MED22: variants seen among roughly 807,000 people sequenced by gnomAD.
The protein encoded by MED22 is mediator of RNA polymerase II transcription subunit 22.
A neutral mutation model predicts 22.7 loss-of-function variants in MED22; 22 were observed. The ratio of observed to expected loss-of-function variants is 0.97; its 90% CI spans 0.69 to 1.38. MED22 has a LOEUF of 1.38. Ranked by LOEUF, MED22 falls within the 40% of genes most tolerant of loss-of-function variation. MED22 has a pLI of 0.00. For synonymous variants in MED22, 134 were observed against 119.4 expected, an observed-to-expected ratio of 1.12 and a Z score of -0.80; for missense variants, 247 against 263.0, an observed-to-expected ratio of 0.94 and a Z score of 0.42.
At position 133,341,264 on chromosome 9, in the gene MED22, C is replaced by A; in HGVS notation, c.*241G>T. The A allele has an allele frequency of 7.1e-6, 3 of 424,588 alleles. No homozygotes were observed. Among genetic ancestry groups the A allele is most frequent in the South Asian group, 1.1e-4 (2 of 18,732 alleles). 26.3% of individuals were successfully genotyped at this position (424,588 alleles called of 1,614,324 possible). ...TCTTCCACCTGGCTGGCCAGGAAGGCAGCAAACAGAGATGATGACTCGGAA... is the reference window on the plus strand; with the variant it reads ...TCTTCCACCTGGCTGGCCAGGAAGGAAGCAAACAGAGATGATGACTCGGAA... On this transcript the variant is annotated 3_prime_UTR_variant, in exon 5 of 5. Coordinates refer to ENST00000343730, the MANE Select transcript of MED22 (RefSeq NM_133640.5).
intron 4 of MED22, 35 bp from the exon 5 acceptor site, chr9:133,341,729 G>C (rs2129950640): frequency 6.3e-7 from 1 of 1,588,576 alleles, no homozygotes; most frequent in Admixed American, 1.8e-5. Flanking sequence ...GGAGAGACAG[G>C]AGCAGGCAGA....
rs1040576666 is a variant in MED22, at chr9:133,346,314, T to C, written c.123+226A>G. 9.0e-6 allele frequency: 5 copies of C among 553,278 alleles called. No individual in the cohort carries two copies. In the Admixed American group the frequency reaches 9.6e-5, roughly 11 times the overall value. 34.3% of individuals were successfully genotyped at this position (553,278 alleles called of 1,614,324 possible). A position where few individuals can be genotyped will look rare whatever the true frequency, so the allele number is the denominator to read the frequency against. ...ACCAGTCATCACAAGGACCCCACCA[T>C]GCAGGAGAAACTGAGGCACTAAAAA... On this transcript the variant is annotated intron_variant, in intron 2 of 4. Transcript: ENST00000343730.
At chr9:133,345,470 A>G (rs1409153564) in intron 2 of MED22, among the ~76,000 whole-genome samples, 20 of 152,014 alleles carry the variant, frequency 1.3e-4, no homozygotes, top group Admixed American at 1.3e-3. Flanking sequence ...GACAACATGC[A>G]CCTTTGCTCA....
At position 133,344,225 on chromosome 9, in the gene MED22, G is replaced by A; in HGVS notation, c.313C>T (p.Leu105=). The A allele has an allele frequency of 6.2e-7, 1 of 1,614,230 alleles. No homozygotes were observed. Among genetic ancestry groups the A allele is most frequent in the Non-Finnish European group, 8.5e-7 (1 of 1,180,046 alleles). The change falls in exon 4 of 5, where the codon CTG becomes TTG. Residue 105 remains leucine (L), a synonymous_variant. Coordinates refer to ENST00000343730, the MANE Select transcript of MED22 (RefSeq NM_133640.5). ...NEAIDQRNQQ[L]RTLQEECDRK... is the part of the protein sequence containing the mutation. ...TCGCACTCCTCCTGCAGTGTGCGCAGCTGCTGGTTGCGCTGGTCAATGGCC... is the reference window on the plus strand; with the variant it reads ...TCGCACTCCTCCTGCAGTGTGCGCAACTGCTGGTTGCGCTGGTCAATGGCC...
Position 133,344,127 on chromosome 9 carries a change from G to C in MED22, c.411C>G (p.Ser137=). The change falls in exon 4 of 5, where the codon TCC becomes TCG. Residue 137 remains serine (S), a splice_region_variant and synonymous_variant. Coordinates refer to ENST00000343730, the MANE Select transcript of MED22 (RefSeq NM_133640.5). ...LYELEEEYYS[S]SSSLCEANDL... is the part of the protein sequence containing the mutation. ...GGGGAGTCCAGCGCTATTTATACCT[G>C]GACGAGTAATACTCCTCCTCCAGCT... 6.2e-7 allele frequency: 1 copy of C among 1,614,142 alleles called. No homozygotes were observed.
At chr9:133,342,254 A>G (rs1019383137) in intron 4 of MED22, 1 of 986,094 alleles carries the variant, frequency 1.0e-6, no homozygotes, top group Non-Finnish European at 1.2e-6. Context: ...CACCTCTAAC[A>G]CGGGGAATCC....
rs1836198863 is a variant in MED22, at chr9:133,346,795, TCC to T, written c.-38-97_-38-96del. 3 of 1,104,656 alleles carry T rather than the reference TCC, an allele frequency of 2.7e-6. No homozygotes were observed. The African/African-American group carries it at 4.8e-5, about 17-fold the overall frequency. 68.4% of individuals were successfully genotyped at this position (1,104,656 alleles called of 1,614,324 possible). ...GCAGAACACGCAGATTTCTGGGGAT[TCC>T]CTTTCTGCCAAATAAAGTCAATCAC... On this transcript the variant is annotated intron_variant, in intron 1 of 4. Coordinates refer to ENST00000343730, the MANE Select transcript of MED22 (RefSeq NM_133640.5).
At chr9:133,342,940 G>A in intron 4 of MED22, 1 of 985,764 alleles carries the variant, frequency 1.0e-6, no homozygotes, top group Non-Finnish European at 1.2e-6. Context: ...AGGGACGGTG[G>A]CTGCCTCAAA....
intron 4 of MED22, chr9:133,343,676 T>C (rs957149732): frequency 7.9e-7 from 1 of 1,259,324 alleles, no homozygotes; most frequent in South Asian, 3.6e-5. Flanking sequence ...CCACATGGAA[T>C]TGCATCCCTG....
chr9:133,341,990 C>G (rs1242273227), intron 4 of MED22: 2 of 1,191,954 alleles, frequency 1.7e-6, no homozygotes, highest in East Asian at 5.9e-5. Flanking sequence ...TGGGCCTGTC[C>G]TAGCCTATGC....
In MED22 at chr9:133,346,665, C is replaced by G; in HGVS notation, c.-3G>C. 6.2e-7 allele frequency: 1 copy of G among 1,611,534 alleles called. No homozygotes were observed. On this transcript the variant is annotated 5_prime_UTR_variant, in exon 2 of 5. Coordinates refer to ENST00000343730, the MANE Select transcript of MED22 (RefSeq NM_133640.5). Reference sequence around the variant, plus strand: ...GGCAGGGCTCTCTGCTGGGCCATGGCCGAGCCTCAAGCAGCGCAGCGGGGA... The same window carrying G: ...GGCAGGGCTCTCTGCTGGGCCATGGGCGAGCCTCAAGCAGCGCAGCGGGGA...
intron 2 of MED22, chr9:133,346,304 G>C (rs1340178460): frequency 3.7e-6 from 2 of 537,918 alleles, no homozygotes; most frequent in African/African-American, 3.8e-5. Flanking sequence ...TCATCACAAG[G>C]ACCCCACCAT....
Position 133,339,247 on chromosome 9 carries a change from G to T in MED22, c.*2258C>A. 2 of 694,324 alleles carry T rather than the reference G, an allele frequency of 2.9e-6. No individual in the cohort carries two copies. Among genetic ancestry groups the T allele is most frequent in the South Asian group, 2.8e-5 (2 of 72,194 alleles). The allele number at this position is 694,324 out of a possible 1,614,324, so 43.0% of individuals were successfully genotyped here. A position where few individuals can be genotyped will look rare whatever the true frequency, so the allele number is the denominator to read the frequency against. ...AGTAAGGGCAAGATTCTTGCCAAGA[G>T]AATGAATGTGCATATTCAGCACACT... On this transcript the variant is annotated 3_prime_UTR_variant, in exon 5 of 5. Transcript: ENST00000343730.
rs2129945440 is a variant in MED22, at chr9:133,340,582, GC to G, written c.*922del. The G allele has an allele frequency of 6.6e-6, 1 of 152,246 alleles. No homozygotes were observed. Among genetic ancestry groups the G allele is most frequent in the Non-Finnish European group, 1.5e-5 (1 of 68,066 alleles). 9.4% of individuals were successfully genotyped at this position (152,246 alleles called of 1,614,324 possible). A position where few individuals can be genotyped will look rare whatever the true frequency, so the allele number is the denominator to read the frequency against. ...CCATCAGGTTCAAGTTCTGATTCCTGCCACTTCACTTCCTAGCTCTGTGGCC... is the reference window on the plus strand; with the variant it reads ...CCATCAGGTTCAAGTTCTGATTCCTGCACTTCACTTCCTAGCTCTGTGGCC... On this transcript the variant is annotated 3_prime_UTR_variant, in exon 5 of 5. Transcript: ENST00000343730.
Position 133,346,375 on chromosome 9 carries a change from G to A in MED22, c.123+165C>T. 1.1e-5 allele frequency: 9 copies of A among 786,638 alleles called. No homozygotes were observed. In the South Asian group the frequency reaches 1.4e-4, roughly 12 times the overall value. The allele number at this position is 786,638 out of a possible 1,614,324, so 48.7% of individuals were successfully genotyped here. A position where few individuals can be genotyped will look rare whatever the true frequency, so the allele number is the denominator to read the frequency against. ...CATCCAAATCCATACTGTTAGTAAG[G>A]GCTGGACGTGCCATTATTTGGTTTG... On this transcript the variant is annotated intron_variant, in intron 2 of 4. Transcript: ENST00000343730.
Position 133,340,531 on chromosome 9 carries a change from C to A in MED22, c.*974G>T, listed in dbSNP as rs1835976960. 1 of 152,230 alleles carries A rather than the reference C, an allele frequency of 6.6e-6. No homozygotes were observed. The highest frequency in any genetic ancestry group is 6.5e-5 in the Admixed American group (1 of 15,272). 9.4% of individuals were successfully genotyped at this position (152,230 alleles called of 1,614,324 possible). ...TTCTGCATTTCTAAGGTGAGCCTGG[C>A]ACCAAAAGACACTGGGTCTAGACTT... On this transcript the variant is annotated 3_prime_UTR_variant, in exon 5 of 5. Transcript: ENST00000343730.
intron 4 of MED22, chr9:133,342,239 G>A (rs1323824473): frequency 1.6e-5 from 16 of 986,312 alleles, no homozygotes; most frequent in African/African-American, 3.5e-5. Context: ...TCCAGCAGGC[G>A]TCCCCACCTC....
chr9:133,342,779 T>C (rs2129954882), intron 4 of MED22: 83 of 985,608 alleles, frequency 8.4e-5, no homozygotes, highest in Middle Eastern at 5.1e-4. Flanking sequence ...TGAGGGACTG[T>C]TGGGGGAGGG....
Position 133,340,159 on chromosome 9 carries a change from C to T in MED22, c.*1346G>A. On this transcript the variant is annotated 3_prime_UTR_variant, in exon 5 of 5. Transcript: ENST00000343730. The stretch of plus-strand genomic sequence containing the variant: ...AAAATAGTGCGGGAACAGATCACCA[C>T]ACGTATCAATGGGGAAATTCTCCCT... 6.6e-6 allele frequency: 1 copy of T among 152,340 alleles called. No homozygotes were observed. Among genetic ancestry groups the T allele is most frequent in the East Asian group, 1.9e-4 (1 of 5,190 alleles). 9.4% of individuals were successfully genotyped at this position (152,340 alleles called of 1,614,324 possible).
Sources: gnomAD v4.1 joint callset for allele counts (sites outside exome capture counted in the v4.1 genomes callset) on GRCh38, gnomAD v4.1.1 for gene constraint, MANE v1.5 for transcripts, NCBI Gene and HGNC (gene_info 2026-07-23, HGNC 2026-07-21) for gene names.